Variants in AMOTL1 observed in about 807,000 individuals in gnomAD.
The protein encoded by AMOTL1 is angiomotin-like protein 1.
A neutral mutation model predicts 102.9 loss-of-function variants in AMOTL1; 45 were observed. The observed-to-expected ratio is 0.44, with a 90% CI of 0.34 to 0.56. The LOEUF (loss-of-function observed/expected upper bound fraction) is 0.56. Among genes scored for constraint, AMOTL1 ranks in the 20% least tolerant of loss-of-function variants. The pLI is 0.01. For synonymous variants in AMOTL1, 481 were observed against 484.7 expected (o/e 0.99, Z 0.10); for missense variants, 1,114 against 1,225.6 (o/e 0.91, Z 1.36).
intron 3 of AMOTL1, among the ~76,000 whole-genome samples, chr11:94,753,229 A>G (rs969596915): frequency 6.6e-6 from 1 of 151,406 alleles, no homozygotes; most frequent in African/African-American, 2.4e-5. Flanking sequence ...AAGAATTAGC[A>G]CATTTAAATC....
rs1011066330 is a variant in AMOTL1, at chr11:94,869,575, C to T, written c.2764+102C>T. ...GAGAGGAAGCAGGGGCACCCATCAGCTCTTACTCTATGGGGATGCTATTCT... is the reference window on the plus strand; with the variant it reads ...GAGAGGAAGCAGGGGCACCCATCAGTTCTTACTCTATGGGGATGCTATTCT... On this transcript the variant is annotated intron_variant, in intron 12 of 12. Transcript: ENST00000433060. 8.2e-6 allele frequency: 11 copies of T among 1,341,058 alleles called. No individual in the cohort carries two copies. The African/African-American group carries it at 1.5e-4, about 18-fold the overall frequency. 83.1% of individuals were successfully genotyped at this position (1,341,058 alleles called of 1,614,324 possible).
chr11:94,735,009 C>T (rs1453229994), intron 2 of AMOTL1, among the ~76,000 whole-genome samples: 2 of 152,182 alleles, frequency 1.3e-5, no homozygotes, highest in Admixed American at 6.5e-5. Context: ...GGCATTTAGC[C>T]CCTCACCCAT....
intron 3 of AMOTL1, among the ~76,000 whole-genome samples, chr11:94,812,174 G>T (rs1394886577): frequency 6.6e-6 from 1 of 152,122 alleles, no homozygotes; most frequent in African/African-American, 2.4e-5. Flanking sequence ...AAAGTACAGG[G>T]GAACCACCAC....
rs143241426 is a variant in AMOTL1, at chr11:94,799,160, A to G, written c.200-230A>G. Among the ~76,000 whole-genome samples the G allele has an allele frequency of 6.6e-6, 1 of 152,194 alleles. No homozygotes were observed. The highest frequency in any genetic ancestry group is 1.9e-4 in the East Asian group (1 of 5,176). ...AGAAAAGGGAGGGGTTGAAGGATGG[A>G]ACAATGTTTAAGAGGAAGCAGAGGA... On this transcript the variant is annotated intron_variant, in intron 2 of 12. Transcript: ENST00000433060. The surrounding 1 kb of genome is among the most constrained non-coding windows in gnomAD (Gnocchi z 4.5).
chr11:94,865,805 A>G (rs1207945147), intron 10 of AMOTL1, 137 bp from the exon 11 acceptor site: 10 of 722,634 alleles, frequency 1.4e-5, no homozygotes, highest in African/African-American at 1.8e-5. Flanking sequence ...GAGATTATCA[A>G]CATTTGAAGA....
chr11:94,766,620 G>A (rs1950858010), upstream of AMOTL1, among the ~76,000 whole-genome samples: 1 of 152,176 alleles, frequency 6.6e-6, no homozygotes, highest in South Asian at 2.1e-4. Flanking sequence ...TCGCGCAAAT[G>A]TTAGGTGAAT....
chr11:94,863,727 C>T (rs141409987), intron 9 of AMOTL1, among the ~76,000 whole-genome samples: 1 of 152,346 alleles, frequency 6.6e-6, no homozygotes, highest in East Asian at 1.9e-4. Flanking sequence ...TCATCTTGAG[C>T]TATATCACTT....
At chr11:94,823,069 T>C (rs1165051614) in intron 4 of AMOTL1, among the ~76,000 whole-genome samples, 2 of 152,184 alleles carry the variant, frequency 1.3e-5, no homozygotes, top group Non-Finnish European at 2.9e-5. Context: ...GCCGATTTAG[T>C]GTTAGTGTTC....
chr11:94,826,502 A>G, intron 4 of AMOTL1, among the ~76,000 whole-genome samples: 1 of 152,068 alleles, frequency 6.6e-6, no homozygotes, highest in East Asian at 1.9e-4. Context: ...CTTGGCTTCC[A>G]GCGAGGGCTT....
intron 4 of AMOTL1, 59 bp downstream of exon 4, chr11:94,821,880 T>A (rs1046037657): frequency 1.3e-6 from 2 of 1,579,808 alleles, no homozygotes; most frequent in African/African-American, 2.7e-5. Context: ...TCATGGGGAG[T>A]TGATGCACTG....
chr11:94,821,867 T>G, intron 4 of AMOTL1, 46 bp downstream of exon 4: 1 of 1,594,270 alleles, frequency 6.3e-7, no homozygotes, highest in Non-Finnish European at 8.5e-7. Flanking sequence ...ATTCTTTACC[T>G]GGTCATGGGG....
Position 94,830,026 on chromosome 11 carries a change from T to C in AMOTL1, c.1414-24T>C, listed in dbSNP as rs760740638. 29 of 1,576,290 alleles carry C rather than the reference T, an allele frequency of 1.8e-5. No homozygotes were observed. In the East Asian group the frequency reaches 6.6e-4, roughly 36 times the overall value. On this transcript the variant is annotated intron_variant, in intron 4 of 12. Coordinates refer to ENST00000433060, the MANE Select transcript of AMOTL1 (RefSeq NM_130847.3). Reference sequence around the variant, plus strand: ...CCAGCATGAATGTCAAAGGTACCACTTTAATGCCAGTTCTTTCTTTTAGTT... The same window carrying C: ...CCAGCATGAATGTCAAAGGTACCACCTTAATGCCAGTTCTTTCTTTTAGTT...
chr11:94,835,366 G>T (rs767574097), intron 6 of AMOTL1, among the ~76,000 whole-genome samples: 1 of 152,160 alleles, frequency 6.6e-6, no homozygotes, highest in Non-Finnish European at 1.5e-5. Context: ...CCAGAGGCAG[G>T]TTACTGTCTG....
chr11:94,740,878 GT>G (rs11300560), intron 2 of AMOTL1: 1,256,888 of 1,256,896 alleles, frequency 1, 628,440 homozygotes, highest in Middle Eastern at 1. Flanking sequence ...GCTGGTGCTT[GT>G]GCGGGTTCGT....
rs564182402 is a variant in AMOTL1 at position 94,728,441 on chromosome 11, A to G, written c.-50-480A>G. On this transcript the variant is annotated intron_variant, in intron 1 of 4. Transcript: ENST00000299004. ...ATTTATTGCATACCTTTTTGAGATTACAAAAGCAATACATGTTCATTGTTG... is the reference window on the plus strand; with the variant it reads ...ATTTATTGCATACCTTTTTGAGATTGCAAAAGCAATACATGTTCATTGTTG... Among the ~76,000 whole-genome samples the G allele has an allele frequency of 2.0e-5, 3 of 152,332 alleles. No homozygotes were observed. In the South Asian group the frequency reaches 6.2e-4, roughly 32 times the overall value.
chr11:94,718,760 T>C (rs1950133058), intron 1 of AMOTL1, among the ~76,000 whole-genome samples: 1 of 151,980 alleles, frequency 6.6e-6, no homozygotes, highest in African/African-American at 2.4e-5. Flanking sequence ...TGTCAGTTTA[T>C]TGATATATAG....
At chr11:94,838,425 T>C (rs1318068704) in intron 6 of AMOTL1, among the ~76,000 whole-genome samples, 1 of 152,246 alleles carries the variant, frequency 6.6e-6, no homozygotes, top group Non-Finnish European at 1.5e-5. Flanking sequence ...AAGGGCCAGC[T>C]GGTAAATATT....
chr11:94,795,109 G>A lies in AMOTL1; in HGVS notation c.148G>A (p.Glu50Lys), dbSNP rs762338196. 1.9e-6 allele frequency: 3 copies of A among 1,613,958 alleles called. No homozygotes were observed. The highest frequency in any genetic ancestry group is 2.5e-6 in the Non-Finnish European group (3 of 1,179,878). Residue 50 changes from glutamate to lysine, a missense_variant, in exon 2 of 13, where the codon GAA becomes AAA. Coordinates refer to ENST00000433060, the MANE Select transcript of AMOTL1 (RefSeq NM_130847.3). ...CTTTCAGCTCTATTCTGGGAGGCAT[G>A]AAACATCTGCTTTGACGGTGGAGGC... ...PDFQLYSGRH[E>K]TSALTVEATS... is the part of the protein sequence containing the mutation.
In AMOTL1 at chr11:94,870,700, G is replaced by T; in HGVS notation, c.2776G>T (p.Gly926Cys). Residue 926 changes from glycine (G) to cysteine (C), a missense_variant, in exon 13 of 13, where the codon GGC becomes TGC. Gly to Cys is a radical substitution (Grantham distance 159). Coordinates refer to ENST00000433060, the MANE Select transcript of AMOTL1 (RefSeq NM_130847.3). ...GTAEKLENSP[G>C]HGKSPDHRGR... Reference sequence around the variant, plus strand: ...CCTCTATTTGGCAGAGAACTCTCCTGGCCATGGGAAGTCGCCTGACCACAG... The same window carrying T: ...CCTCTATTTGGCAGAGAACTCTCCTTGCCATGGGAAGTCGCCTGACCACAG... 6.3e-7 allele frequency: 1 copy of T among 1,599,158 alleles called. No homozygotes were observed.
Sources: allele counts gnomAD v4.1 joint callset (sites outside exome capture counted in the v4.1 genomes callset), GRCh38; gene constraint gnomAD v4.1.1; non-coding constraint Gnocchi (gnomAD v3.1); transcripts MANE v1.5; gene names NCBI Gene and HGNC (gene_info 2026-07-23, HGNC 2026-07-21).